Variants in USP26 observed in about 807,000 individuals in gnomAD.
USP26 encodes the protein ubiquitin carboxyl-terminal hydrolase 26.
For missense variants in USP26, 649 were observed against 642.3 expected (o/e 1.01, Z -0.11); for synonymous variants, 236 against 240.6 (o/e 0.98, Z 0.18).
chrX:133,033,319 C>T (rs949039722), intron 5 of USP26, among the ~76,000 whole-genome samples: 4 of 111,920 alleles, frequency 3.6e-5, no homozygotes, highest in Non-Finnish European at 7.5e-5. Flanking sequence ...AACAAACGTC[C>T]GAGTCATTGT....
In USP26 at chrX:133,038,008, A is replaced by G. The variant is rs141059051; in HGVS notation, c.-76-9712T>C. The stretch of plus-strand genomic sequence containing the variant: ...ATAGGAATGCTTGTGATTTTAGCAC[A>G]TTCATTTTGTATCCTAAGAATTTGC... On this transcript the variant is annotated intron_variant, in intron 5 of 5. Transcript: ENST00000511190. Among the ~76,000 whole-genome samples the G allele has an allele frequency of 2.1e-4, 23 of 111,561 alleles. 1 individual carries two copies. In the East Asian group the frequency reaches 6.3e-3, roughly 31 times the overall value.
In USP26 at chrX:133,023,658, T is replaced by C. The variant is rs2067333677; in HGVS notation, c.*1821A>G. On this transcript the variant is annotated 3_prime_UTR_variant, in exon 6 of 6. Transcript: ENST00000511190. ...GAGTGATCAATTCAATCTATGATAT[T>C]CCCTCCTATATACCTTAGCAATCTT... 1.8e-5 allele frequency among the ~76,000 whole-genome samples: 2 copies of C among 111,619 alleles called. No homozygotes were observed. Among genetic ancestry groups the C allele is most frequent in the African/African-American group, 3.3e-5 (1 of 30,695 alleles).
chrX:133,057,086 T>G (rs948919766), intron 5 of USP26, among the ~76,000 whole-genome samples: 3 of 111,898 alleles, frequency 2.7e-5, no homozygotes, highest in African/African-American at 9.7e-5. Context: ...GTTTAATTTT[T>G]TTTTTTATTT....
intron 5 of USP26, among the ~76,000 whole-genome samples, chrX:133,044,384 C>T (rs1019455412): frequency 8.8e-6 from 1 of 113,154 alleles, no homozygotes; most frequent in African/African-American, 3.2e-5. Flanking sequence ...GAGGCAGAGG[C>T]ATGGGCGGGA....
chrX:133,093,781 G>A (rs2067616488), intron 1 of USP26, among the ~76,000 whole-genome samples: 1 of 109,148 alleles, frequency 9.2e-6, no homozygotes, highest in Non-Finnish European at 1.9e-5. Context: ...AGGAGTTGGA[G>A]ATCAGCCTGG....
Position 133,025,028 on chromosome X carries a change from A to C in USP26, c.*451T>G, listed in dbSNP as rs2067339051. 8.8e-6 allele frequency: 1 copy of C among 113,102 alleles called. No individual in the cohort carries two copies. The highest frequency in any genetic ancestry group is 5.0e-5 in the African/African-American group (1 of 19,874). The allele number at this position is 113,102 out of a possible 1,213,427, so 9.3% of individuals were successfully genotyped here. On this transcript the variant is annotated 3_prime_UTR_variant, in exon 6 of 6. Coordinates refer to ENST00000511190, the MANE Select transcript of USP26 (RefSeq NM_031907.3). ...CATAGTGAGACCCTGTCTCTGCAAA[A>C]AGCAAAAAAAAAAAAAAAAATAGCT...
chrX:133,045,862 C>T (rs1189219289), intron 5 of USP26: 1 of 113,988 alleles, frequency 8.8e-6, no homozygotes, highest in African/African-American at 3.2e-5. Flanking sequence ...TAATAAAAAA[C>T]AGTTACTTCT....
At chrX:133,088,372 C>A (rs2067596594) in intron 4 of USP26, among the ~76,000 whole-genome samples, 1 of 111,331 alleles carries the variant, frequency 9.0e-6, no homozygotes, top group Non-Finnish European at 1.9e-5. Flanking sequence ...GAGTGTGCAA[C>A]CTAGATCCCT....
chrX:133,049,877 A>C (rs1350630735), intron 5 of USP26, among the ~76,000 whole-genome samples: 1 of 112,361 alleles, frequency 8.9e-6, no homozygotes, highest in African/African-American at 3.2e-5. Flanking sequence ...CAGCACAGGC[A>C]AACCAGATAA....
rs1414744673 is a variant in USP26, at chrX:133,026,047, T to C, written c.2174A>G (p.Asn725Ser). The C allele has an allele frequency of 8.3e-7, 1 of 1,208,192 alleles. No individual in the cohort carries two copies. The highest frequency in any genetic ancestry group is 1.1e-6 in the Non-Finnish European group (1 of 894,136). ...NPTKDLYEDKNIRIPERFQKV... is the reference protein window; with the variant it reads ...NPTKDLYEDKSIRIPERFQKV... ...TTGGAATCTTTCTGGAATTCTGATA[T>C]TTTTATCTTCATACAAATCTTTAGT... Residue 725 changes from asparagine to serine, a missense_variant, in exon 6 of 6, where the codon AAT (asparagine) becomes AGT (serine). Transcript: ENST00000511190.
chrX:133,084,502 G>A (rs2067581533), intron 4 of USP26, among the ~76,000 whole-genome samples: 1 of 99,785 alleles, frequency 1.0e-5, no homozygotes, highest in Non-Finnish European at 2.0e-5. Context: ...CCTGGCCTGG[G>A]GCAGAACTTC....
chrX:133,069,207 A>T (rs889743014), intron 5 of USP26, among the ~76,000 whole-genome samples: 1 of 112,315 alleles, frequency 8.9e-6, no homozygotes, highest in African/African-American at 3.2e-5. Flanking sequence ...ATTATAAGGA[A>T]GTCTTTAATT....
chrX:133,046,487 T>A (rs778347635), intron 5 of USP26, among the ~76,000 whole-genome samples: 2 of 111,707 alleles, frequency 1.8e-5, no homozygotes, highest in Non-Finnish European at 3.8e-5. Flanking sequence ...TCCTGAGATA[T>A]CCTTAAGATT....
At chrX:133,039,332 TA>T (rs1192388331) in intron 5 of USP26, among the ~76,000 whole-genome samples, 67 of 112,008 alleles carry the variant, frequency 6.0e-4, no homozygotes, top group African/African-American at 2.1e-3. Flanking sequence ...AACACTGCTT[TA>T]GCTGTGTCCC....
intron 3 of USP26, 125 bp downstream of exon 3, chrX:133,090,593 G>A (rs1008709734): frequency 3.6e-5 from 4 of 112,148 alleles, no homozygotes; most frequent in Admixed American, 2.8e-4. Flanking sequence ...CCCAGTTACT[G>A]TATACCTTGC....
chrX:133,060,940 G>C (rs1190825866), intron 5 of USP26, among the ~76,000 whole-genome samples: 5 of 111,528 alleles, frequency 4.5e-5, no homozygotes, highest in African/African-American at 1.3e-4. Flanking sequence ...ATTATATTAG[G>C]TATTCTAAGT....
chrX:133,077,208 C>A (rs373639109), intron 5 of USP26, among the ~76,000 whole-genome samples: 1 of 111,930 alleles, frequency 8.9e-6, no homozygotes, highest in Non-Finnish European at 1.9e-5. Flanking sequence ...GGAAATCACA[C>A]CTGACTATTA....
intron 4 of USP26, among the ~76,000 whole-genome samples, chrX:133,088,870 G>A (rs867494789): frequency 1.8e-5 from 2 of 110,954 alleles, no homozygotes; most frequent in African/African-American, 6.5e-5. Context: ...TCTAGCAAAC[G>A]AGCTAAGGTC....
At chrX:133,069,561 A>G (rs182451757) in intron 5 of USP26, among the ~76,000 whole-genome samples, 72 of 111,367 alleles carry the variant, frequency 6.5e-4, no homozygotes, top group South Asian at 3.8e-4. Flanking sequence ...AGAGACACAT[A>G]TAAGAAATAT....
Sources: gnomAD v4.1 joint callset for allele counts (sites outside exome capture counted in the v4.1 genomes callset) on GRCh38, gnomAD v4.1.1 for gene constraint, MANE v1.5 for transcripts, NCBI Gene and HGNC (gene_info 2026-07-23, HGNC 2026-07-21) for gene names.